ITCH: variants seen among roughly 807,000 people sequenced by gnomAD.
The protein encoded by ITCH is itchy E3 ubiquitin protein ligase.
ITCH carries 28 observed loss-of-function variants against 126.8 expected under a neutral mutation model. The ratio of observed to expected loss-of-function variants is 0.22; its 90% CI spans 0.16 to 0.30. The LOEUF (loss-of-function observed/expected upper bound fraction) is 0.30. Among genes scored for constraint, ITCH ranks in the 10% least tolerant of loss-of-function variants. The pLI is 1.00. For synonymous variants in ITCH, 342 were observed against 340.0 expected, an observed-to-expected ratio of 1.01 and a Z score of -0.06; for missense variants, 631 against 1,032.4, an observed-to-expected ratio of 0.61 and a Z score of 5.33.
At chr20:34,392,283 T>A (rs1413883425) in intron 2 of ITCH, among the ~76,000 whole-genome samples, 2 of 152,196 alleles carry the variant, frequency 1.3e-5, no homozygotes, top group African/African-American at 2.4e-5. Flanking sequence ...ACCTTTCATA[T>A]TTAAAATAAG....
At position 34,509,043 on chromosome 20, in the gene ITCH, C is replaced by CATTCT. The variant is rs1312235226; in HGVS notation, c.*1250_*1254dup. 18 of 152,532 alleles carry CATTCT rather than the reference C, an allele frequency of 1.2e-4. No homozygotes were observed. Among genetic ancestry groups the CATTCT allele is most frequent in the African/African-American group, 4.3e-4 (18 of 41,430 alleles). 9.4% of individuals were successfully genotyped at this position (152,532 alleles called of 1,614,324 possible). ...TGACATATGTTGGAGTAGTCATTTC[C>CATTCT]ATTCTTTACATTGTCATGAACTGGA... On this transcript the variant is annotated 3_prime_UTR_variant, in exon 25 of 25. Coordinates refer to ENST00000374864, the MANE Select transcript of ITCH (RefSeq NM_031483.7).
chr20:34,407,556 G>A (rs1040979201), intron 3 of ITCH, among the ~76,000 whole-genome samples: 7 of 152,166 alleles, frequency 4.6e-5, no homozygotes, highest in African/African-American at 9.7e-5. Flanking sequence ...GATGTGAGCC[G>A]CTGCGCCCAG....
intron 6 of ITCH, among the ~76,000 whole-genome samples, chr20:34,423,910 C>T (rs1289787440): frequency 1.3e-5 from 2 of 152,154 alleles, no homozygotes; most frequent in Non-Finnish European, 2.9e-5. Flanking sequence ...GCTCCTCCAA[C>T]ACTGTTACAG....
At chr20:34,486,944 A>G (rs1157389823) in intron 20 of ITCH, among the ~76,000 whole-genome samples, 1 of 150,444 alleles carries the variant, frequency 6.6e-6, no homozygotes, top group Non-Finnish European at 1.5e-5. Flanking sequence ...AGCCTCCCAA[A>G]GTGCTGGGAT....
At chr20:34,475,035 C>G (rs1468645703) in intron 16 of ITCH, among the ~76,000 whole-genome samples, 1 of 147,884 alleles carries the variant, frequency 6.8e-6, no homozygotes. Flanking sequence ...GGGGCAGAGG[C>G]GCTCCCCACA....
intron 2 of ITCH, among the ~76,000 whole-genome samples, chr20:34,383,134 C>G (rs1170833523): frequency 1.3e-5 from 2 of 152,006 alleles, no homozygotes; most frequent in Non-Finnish European, 2.9e-5. Context: ...CTTGACCTCT[C>G]GGGCTCTGGC....
intron 7 of ITCH, among the ~76,000 whole-genome samples, chr20:34,428,148 A>T (rs1981797186): frequency 6.6e-6 from 1 of 152,214 alleles, no homozygotes; most frequent in South Asian, 2.1e-4. Flanking sequence ...CACCTTTGAG[A>T]TGACAGGTTT....
chr20:34,365,019 G>A (rs1178186916), intron 1 of ITCH, among the ~76,000 whole-genome samples: 1 of 151,732 alleles, frequency 6.6e-6, no homozygotes, highest in Admixed American at 6.6e-5. Flanking sequence ...GGGCAACATC[G>A]TGAAACCCCG....
At chr20:34,464,716 CT>C (rs879670054) in intron 14 of ITCH, among the ~76,000 whole-genome samples, 89 of 145,078 alleles carry the variant, frequency 6.1e-4, no homozygotes, top group Non-Finnish European at 5.5e-4. Context: ...GCCCTAAGTT[CT>C]TTTTTTTTTT....
intron 3 of ITCH, among the ~76,000 whole-genome samples, chr20:34,397,656 G>C (rs1290145298): frequency 6.6e-6 from 1 of 151,966 alleles, no homozygotes; most frequent in African/African-American, 2.4e-5. Flanking sequence ...ACTAACTCTG[G>C]TATCTTTCCT....
intron 20 of ITCH, among the ~76,000 whole-genome samples, chr20:34,488,198 A>C (rs1374553272): frequency 6.6e-6 from 1 of 151,856 alleles, no homozygotes; most frequent in Non-Finnish European, 1.5e-5. Context: ...TTAAAAAAAA[A>C]AACCTTTCTT....
At chr20:34,463,625 A>G (rs1228011306) in intron 14 of ITCH, among the ~76,000 whole-genome samples, 7 of 150,030 alleles carry the variant, frequency 4.7e-5, no homozygotes, top group Non-Finnish European at 8.9e-5. Flanking sequence ...TTTCTTCATC[A>G]TCATCATATT....
intron 14 of ITCH, chr20:34,466,557 A>G (rs1272052933): frequency 1.9e-5 from 8 of 430,594 alleles, no homozygotes; most frequent in Admixed American, 6.1e-5. Flanking sequence ...ATATTATTCT[A>G]TCATTCATTT....
At chr20:34,465,784 T>TA (rs1176634229) in intron 14 of ITCH, among the ~76,000 whole-genome samples, 6 of 152,186 alleles carry the variant, frequency 3.9e-5, no homozygotes, top group African/African-American at 1.4e-4. Flanking sequence ...TGAATTCACT[T>TA]ACTCTGGCAG....
intron 23 of ITCH, among the ~76,000 whole-genome samples, chr20:34,495,290 AT>A (rs1989792375): frequency 1.2e-5 from 1 of 84,750 alleles, no homozygotes; most frequent in African/African-American, 4.2e-5. Flanking sequence ...AAATAAATAA[AT>A]AAAATATATA....
At position 34,438,628 on chromosome 20, in the gene ITCH, C is replaced by G; in HGVS notation, c.676C>G (p.Pro226Ala). ...SRPPPPTPRR[P>A]ASVNGSPSAT... ...ACCACCACCACCCACCCCACGTAGA[C>G]CAGGTTTGTATTCCAGCTCTCAATA... The change falls in exon 8 of 25, where the codon CCA (proline) becomes GCA (alanine). Residue 226 changes from proline to alanine, a missense_variant. By Grantham distance (27) the Pro-to-Ala change is conservative. Around this residue, in one of 4 missense-constraint regions of ITCH, gnomAD observed 220 missense variants for 265.7 expected, o/e 0.83. Transcript: ENST00000374864. 6.2e-7 allele frequency: 1 copy of G among 1,613,856 alleles called. No homozygotes were observed. Among genetic ancestry groups the G allele is most frequent in the Non-Finnish European group, 8.5e-7 (1 of 1,179,958 alleles).
chr20:34,365,346 A>C (rs1026727280), intron 1 of ITCH, among the ~76,000 whole-genome samples: 4 of 152,236 alleles, frequency 2.6e-5, no homozygotes, highest in African/African-American at 9.6e-5. Flanking sequence ...GAAATTAAAA[A>C]AATGAGTACA....
intron 3 of ITCH, among the ~76,000 whole-genome samples, chr20:34,406,945 T>C (rs1056420182): frequency 3.3e-5 from 5 of 151,960 alleles, no homozygotes; most frequent in African/African-American, 1.2e-4. Flanking sequence ...GTAGATAACC[T>C]GGGTGGTGGA....
chr20:34,371,279 CTTTT>C (rs770951963), intron 2 of ITCH, among the ~76,000 whole-genome samples: 32 of 118,452 alleles, frequency 2.7e-4, no homozygotes, highest in African/African-American at 1.1e-3. Flanking sequence ...ATCACTTCTT[CTTTT>C]TTTTTTTTTT....
Sources: allele counts gnomAD v4.1 joint callset (sites outside exome capture counted in the v4.1 genomes callset), GRCh38; gene constraint gnomAD v4.1.1; regional missense constraint gnomAD v4.1.1; transcripts MANE v1.5; gene names NCBI Gene and HGNC (gene_info 2026-07-23, HGNC 2026-07-21).